The following THSD7A variants were observed in gnomAD, a reference collection of about 807,000 sequenced individuals.
THSD7A encodes thrombospondin type-1 domain-containing protein 7A.
THSD7A carries 96 observed loss-of-function variants against 231.3 expected under a neutral mutation model. That is an observed-to-expected ratio of 0.41 (90% CI 0.35 to 0.49). The LOEUF (loss-of-function observed/expected upper bound fraction) is 0.49, where lower values mean the gene tolerates loss of function less well. THSD7A is among the 20% of genes least tolerant of loss of function. The pLI is 0.05. For missense variants in THSD7A, 2,290 were observed against 2,070.2 expected (o/e 1.11, Z -2.06); for synonymous variants, 940 against 743.3 (o/e 1.26, Z -4.30).
At chr7:11,407,684 G>T (rs1360802920) in intron 19 of THSD7A, among the ~76,000 whole-genome samples, 1 of 152,184 alleles carries the variant, frequency 6.6e-6, no homozygotes, top group Non-Finnish European at 1.5e-5. Context: ...AATAAGCAAT[G>T]TAGAAAAGTA....
At chr7:11,467,198 G>T (rs62438193) in intron 9 of THSD7A, among the ~76,000 whole-genome samples, 1 of 151,968 alleles carries the variant, frequency 6.6e-6, no homozygotes, top group Admixed American at 6.6e-5. Flanking sequence ...ATCCTCACTT[G>T]CAATTCTTTC....
At chr7:11,395,228 A>G (rs2354372) in intron 23 of THSD7A, among the ~76,000 whole-genome samples, 120,826 of 151,862 alleles carry the variant, frequency 0.8, 48,569 homozygotes, top group African/African-American at 0.9. Flanking sequence ...GACAAAGAAG[A>G]GCATTACATA....
In THSD7A at chr7:11,423,982, T is replaced by C. The variant is rs1343957499; in HGVS notation, c.3383+714A>G. Among the ~76,000 whole-genome samples the C allele has an allele frequency of 2.0e-5, 3 of 152,240 alleles. No homozygotes were observed. In the South Asian group the frequency reaches 6.2e-4, roughly 32 times the overall value. On this transcript the variant is annotated intron_variant, in intron 16 of 27. Coordinates refer to ENST00000423059, the MANE Select transcript of THSD7A (RefSeq NM_015204.3). ...ATTTTATAAAGTTTTATTAAGGGGA[T>C]AGACATGAAGAGGGGTCTTTTCAAC...
chr7:11,636,865 T>C lies in THSD7A; in HGVS notation c.287A>G (p.His96Arg), dbSNP rs1169773781. The C allele has an allele frequency of 8.7e-6, 14 of 1,613,928 alleles. No homozygotes were observed. Among genetic ancestry groups the C allele is most frequent in the Non-Finnish European group, 1.1e-5 (13 of 1,179,876 alleles). The change falls in exon 2 of 28, where the codon CAT becomes CGT. Residue 96 changes from histidine (H) to arginine (R), a missense_variant. His to Arg is a conservative substitution (Grantham distance 29). Transcript: ENST00000423059. This position sits in a 1 kb window ranked among gnomAD's most constrained non-coding sequence, Gnocchi z 10.0. ...TCTCTCGGCCTGCTTACAGTTAGTA[T>C]GCAGTGTAGTCCATCCCTCCACATG... ...CAHVEGWTTL[H>R]TNCKQAERPN... is the part of the protein sequence containing the mutation.
At chr7:11,502,810 A>C (rs1787391138) in intron 6 of THSD7A, among the ~76,000 whole-genome samples, 2 of 152,178 alleles carry the variant, frequency 1.3e-5, no homozygotes, top group South Asian at 4.1e-4. Flanking sequence ...GGGAAGACAC[A>C]AACAAATGGA....
chr7:11,487,213 C>T (rs764029950), intron 6 of THSD7A, among the ~76,000 whole-genome samples: 39 of 152,152 alleles, frequency 2.6e-4, no homozygotes, highest in Non-Finnish European at 4.3e-4. Flanking sequence ...CCTTTTTATT[C>T]GACTGTATCT....
intron 2 of THSD7A, among the ~76,000 whole-genome samples, chr7:11,598,541 C>T (rs1173093008): frequency 1.3e-5 from 2 of 152,146 alleles, no homozygotes; most frequent in Non-Finnish European, 2.9e-5. Context: ...TGGCTATGGC[C>T]ACTGCTAAGT....
At chr7:11,421,349 T>G (rs897824257) in intron 16 of THSD7A, among the ~76,000 whole-genome samples, 4 of 152,170 alleles carry the variant, frequency 2.6e-5, no homozygotes, top group Non-Finnish European at 5.9e-5. Flanking sequence ...CCCTTCGCTC[T>G]TTCTCTCTCC....
At chr7:11,523,458 G>C (rs977125047) in intron 6 of THSD7A, among the ~76,000 whole-genome samples, 1 of 151,974 alleles carries the variant, frequency 6.6e-6, no homozygotes, top group African/African-American at 2.4e-5. Context: ...GGGGTACACC[G>C]AACTCTGGAT....
chr7:11,751,928 T>G (rs1368404663), intron 1 of THSD7A, among the ~76,000 whole-genome samples: 1 of 152,062 alleles, frequency 6.6e-6, no homozygotes, highest in East Asian at 1.9e-4. Context: ...GGCAATCATG[T>G]CAGGGTAACC....
chr7:11,823,535 T>C (rs1223426565), intron 1 of THSD7A, among the ~76,000 whole-genome samples: 3 of 152,158 alleles, frequency 2.0e-5, no homozygotes, highest in Non-Finnish European at 4.4e-5. Context: ...AATCTGTAGA[T>C]TTCTTTGGGC....
chr7:11,720,310 G>A (rs924717714), intron 1 of THSD7A, among the ~76,000 whole-genome samples: 1 of 151,602 alleles, frequency 6.6e-6, no homozygotes, highest in East Asian at 2.0e-4. Context: ...CCCATCAGAT[G>A]GGAATCTCTC....
At chr7:11,513,576 A>T in intron 6 of THSD7A, among the ~76,000 whole-genome samples, 1 of 152,198 alleles carries the variant, frequency 6.6e-6, no homozygotes, top group East Asian at 1.9e-4. Flanking sequence ...TTCTATTTAT[A>T]GAAATACCCA....
rs1256344911 is a variant in THSD7A, at chr7:11,444,831, CTA to C, written c.3064+1228_3064+1229del. Reference sequence around the variant, plus strand: ...TGTATAAACTATATATATAATTAAACTATATATATAATTAAACTATATATATA... The same window carrying C: ...TGTATAAACTATATATATAATTAAACTATATATAATTAAACTATATATATA... On this transcript the variant is annotated intron_variant, in intron 13 of 27. Coordinates refer to ENST00000423059, the MANE Select transcript of THSD7A (RefSeq NM_015204.3). This position sits in a 1 kb window ranked among gnomAD's most constrained non-coding sequence, Gnocchi z 4.2. 1.4e-5 allele frequency among the ~76,000 whole-genome samples: 2 copies of C among 145,382 alleles called. No homozygotes were observed. The highest frequency in any genetic ancestry group is 1.4e-4 in the Admixed American group (2 of 14,354).
chr7:11,559,741 T>C (rs1361326804), intron 4 of THSD7A, among the ~76,000 whole-genome samples: 2 of 152,038 alleles, frequency 1.3e-5, no homozygotes, highest in South Asian at 2.1e-4. Flanking sequence ...AATAGGAAAC[T>C]AAAAACTAAA....
intron 1 of THSD7A, among the ~76,000 whole-genome samples, chr7:11,815,201 A>G (rs149901509): frequency 5.8e-4 from 88 of 151,934 alleles, no homozygotes; most frequent in African/African-American, 2.0e-3. Context: ...CCATAGTCCA[A>G]TTTTGGCCCA....
At chr7:11,594,976 C>T (rs1037486621) in intron 2 of THSD7A, among the ~76,000 whole-genome samples, 4 of 152,186 alleles carry the variant, frequency 2.6e-5, no homozygotes, top group Non-Finnish European at 5.9e-5. Flanking sequence ...AGTTTGTAAA[C>T]TCTGATGAAT....
chr7:11,396,716 T>C (rs185941984), intron 23 of THSD7A, among the ~76,000 whole-genome samples: 340 of 152,284 alleles, frequency 2.2e-3, no homozygotes, highest in African/African-American at 8.0e-3. Flanking sequence ...GAGGAGCTGG[T>C]ACCATTCTTT....
At chr7:11,702,105 A>G (rs918328304) in intron 1 of THSD7A, among the ~76,000 whole-genome samples, 1 of 151,244 alleles carries the variant, frequency 6.6e-6, no homozygotes, top group Non-Finnish European at 1.5e-5. Context: ...GTGCACTCAG[A>G]AAGCGTATGA....
Sources: gnomAD v4.1 joint callset for allele counts (sites outside exome capture counted in the v4.1 genomes callset) on GRCh38, gnomAD v4.1.1 for gene constraint, Gnocchi (gnomAD v3.1) non-coding constraint, MANE v1.5 for transcripts, NCBI Gene and HGNC (gene_info 2026-07-23, HGNC 2026-07-21) for gene names.